Variants in RACGAP1 observed in about 807,000 individuals in gnomAD.
RACGAP1 encodes the protein rac GTPase-activating protein 1.
A neutral mutation model predicts 78.1 loss-of-function variants in RACGAP1; 30 were observed. That is an observed-to-expected ratio of 0.38 (90% CI 0.29 to 0.52). The LOEUF (loss-of-function observed/expected upper bound fraction) is 0.52, where lower values mean the gene tolerates loss of function less well. Ranked by LOEUF, RACGAP1 falls within the 20% of genes least tolerant of loss-of-function variation. RACGAP1 has a pLI of 0.82. For synonymous variants in RACGAP1, 231 were observed against 264.8 expected (o/e 0.87, Z 1.24); for missense variants, 587 against 777.1 (o/e 0.76, Z 2.91).
rs1178831102 is a variant in RACGAP1, at chr12:49,997,072, T to C, written c.1012A>G (p.Thr338Ala). ...RDRCPLPCIP[T>A]LIGTPVKIGE... ...ATCTTGACAGGTGTTCCTATCAGGG[T>C]AGGAATGCAGGGAAGGGGACAGCGG... The change falls in exon 10 of 17, where the codon ACC becomes GCC. Residue 338 changes from threonine to alanine, a missense_variant. Coordinates refer to ENST00000312377, the MANE Select transcript of RACGAP1 (RefSeq NM_001319999.2). 2 of 1,588,638 alleles carry C rather than the reference T, an allele frequency of 1.3e-6. No homozygotes were observed. Among genetic ancestry groups the C allele is most frequent in the Non-Finnish European group, 1.7e-6 (2 of 1,161,770 alleles).
rs1187060803 is a variant in RACGAP1 at position 49,999,734 on chromosome 12, C to T, written c.631-1G>A. 6.2e-7 allele frequency: 1 copy of T among 1,604,846 alleles called. No homozygotes were observed. The highest frequency in any genetic ancestry group is 1.3e-5 in the African/African-American group (1 of 74,728). ...TTTTTGCAACTATGGATTCATTCCC[C>T]TGCAACAAAAGTAGTAATGAGGAAA... On this transcript the variant is annotated splice_acceptor_variant, in intron 7 of 16. Coordinates refer to ENST00000312377, the MANE Select transcript of RACGAP1 (RefSeq NM_001319999.2). LOFTEE classifies it high-confidence loss of function.
intron 10 of RACGAP1, among the ~76,000 whole-genome samples, chr12:49,995,135 G>A (rs893753398): frequency 6.6e-6 from 1 of 152,234 alleles, no homozygotes; most frequent in Non-Finnish European, 1.5e-5. Flanking sequence ...GATCACCTGA[G>A]GTCAGGAGTT....
rs1412819800 is a variant in RACGAP1, at chr12:49,996,691, G to A, written c.1044+349C>T. Among the ~76,000 whole-genome samples the A allele has an allele frequency of 3.9e-5, 5 of 127,796 alleles. No individual in the cohort carries two copies. The East Asian group carries it at 1.3e-3, about 33-fold the overall frequency. The allele number at this position is 127,796 out of a possible 152,430, so 83.8% of individuals were successfully genotyped here. The stretch of plus-strand genomic sequence containing the variant: ...AAATGGACACAAGTTAGTAATCATG[G>A]AAGTTAAGTGATAAGAACCAGGGGT... On this transcript the variant is annotated intron_variant, in intron 10 of 16. Coordinates refer to ENST00000312377, the MANE Select transcript of RACGAP1 (RefSeq NM_001319999.2).
intron 1 of RACGAP1, among the ~76,000 whole-genome samples, chr12:50,024,822 C>A (rs1950198168): frequency 6.6e-6 from 1 of 151,990 alleles, no homozygotes; most frequent in African/African-American, 2.4e-5. Flanking sequence ...ACCCACCTAC[C>A]CCCACTTTCC....
In RACGAP1 at chr12:50,006,485, C is replaced by A. The variant is rs1565681229; in HGVS notation, c.237G>T (p.Val79=). The A allele has an allele frequency of 9.9e-6, 16 of 1,614,052 alleles. No homozygotes were observed. The highest frequency in any genetic ancestry group is 1.3e-5 in the Non-Finnish European group (15 of 1,180,032). ...DVKLKHARNQ[V]DVEIKRRQRA... ...TCTGTCTCCGTTTGATCTCTACATC[C>A]ACCTGATTACGTGCATGCTTCAGCT... The change falls in exon 3 of 17, where the codon GTG becomes GTT. Residue 79 remains valine (V), a synonymous_variant. Transcript: ENST00000312377.
At chr12:50,001,273 C>A (rs369004057) in intron 6 of RACGAP1, 21 bp from the exon 7 acceptor site, 3 of 1,567,200 alleles carry the variant, frequency 1.9e-6, no homozygotes, top group South Asian at 1.1e-5. Context: ...GACAAAGACC[C>A]GTAACTTTAA....
intron 2 of RACGAP1, among the ~76,000 whole-genome samples, chr12:50,009,985 T>G (rs547873068): frequency 1.2e-4 from 19 of 152,242 alleles, no homozygotes; most frequent in Non-Finnish European, 2.1e-4. Flanking sequence ...AAATCCTGTC[T>G]CTGAAACTAA....
At chr12:50,029,413 A>G (rs1950311212), upstream of RACGAP1, among the ~76,000 whole-genome samples, 5 of 151,334 alleles carry the variant, frequency 3.3e-5, no homozygotes, top group South Asian at 1.0e-3. Context: ...AAACAAACAA[A>G]CAAAAAACAG....
chr12:50,014,318 C>A (rs1734021647), intron 2 of RACGAP1, among the ~76,000 whole-genome samples: 1 of 152,136 alleles, frequency 6.6e-6, no homozygotes, highest in Non-Finnish European at 1.5e-5. Flanking sequence ...GTACCATCAT[C>A]CCCATTATTC....
Position 49,994,200 on chromosome 12 carries a change from C to G in RACGAP1, c.1270G>C (p.Asp424His). The change falls in exon 12 of 17, where the codon GAC becomes CAC. Residue 424 changes from aspartate (D) to histidine (H), a missense_variant. Coordinates refer to ENST00000312377, the MANE Select transcript of RACGAP1 (RefSeq NM_001319999.2). ...GGTTCTTTGAGGTTTCGAAGAAAGT[C>G]TTTTAGAAGGCTACAGATAGCATGG... ...DIHAICSLLK[D>H]FLRNLKEPLL... 7 of 1,614,058 alleles carry G rather than the reference C, an allele frequency of 4.3e-6. No homozygotes were observed. The highest frequency in any genetic ancestry group is 5.9e-6 in the Non-Finnish European group (7 of 1,180,012).
At chr12:50,025,537 T>A, upstream of RACGAP1, 2 of 985,422 alleles carry the variant, frequency 2.0e-6, no homozygotes, top group Non-Finnish European at 1.2e-6. Context: ...TCCCGCGCCG[T>A]CCCTCTACGG....
chr12:50,001,383 TTCTCTCTC>T (rs141524970), intron 6 of RACGAP1, 131 bp from the exon 7 acceptor site: 10 of 566,314 alleles, frequency 1.8e-5, no homozygotes, highest in Admixed American at 6.2e-5. Context: ...AAACAATGTG[TTCTCTCTC>T]TCTCTCTCTT....
intron 5 of RACGAP1, among the ~76,000 whole-genome samples, chr12:50,003,617 C>CTATA (rs1455579709): frequency 1.3e-5 from 2 of 152,176 alleles, no homozygotes; most frequent in Non-Finnish European, 2.9e-5. Flanking sequence ...AATCAATGAA[C>CTATA]TATATCAAAG....
intron 1 of RACGAP1, among the ~76,000 whole-genome samples, chr12:50,032,425 C>T (rs1361809405): frequency 6.6e-6 from 1 of 152,178 alleles, no homozygotes; most frequent in Non-Finnish European, 1.5e-5. Flanking sequence ...GTTGGAGATG[C>T]TGTCTCTCTT....
chr12:49,992,922 A>C (rs1290280811), intron 12 of RACGAP1, among the ~76,000 whole-genome samples: 1 of 152,262 alleles, frequency 6.6e-6, no homozygotes, highest in East Asian at 1.9e-4. Context: ...ATACAATTGC[A>C]GTGACTACAA....
intron 4 of RACGAP1, among the ~76,000 whole-genome samples, 182 bp from the exon 5 acceptor site, chr12:50,004,486 G>A (rs1592169159): frequency 1.3e-5 from 2 of 152,198 alleles, no homozygotes; most frequent in South Asian, 4.1e-4. Context: ...TTCCACGGAG[G>A]AGTGTGTGTG....
intron 4 of RACGAP1, 52 bp downstream of exon 4, chr12:50,005,204 C>G: frequency 6.2e-7 from 1 of 1,602,652 alleles, no homozygotes; most frequent in Non-Finnish European, 8.5e-7. Context: ...ACAAGAATAT[C>G]TGACAGCCTG....
At chr12:50,015,329 T>A (rs975020454) in intron 2 of RACGAP1, among the ~76,000 whole-genome samples, 1 of 152,106 alleles carries the variant, frequency 6.6e-6, no homozygotes, top group South Asian at 2.1e-4. Flanking sequence ...TTATTTAGCA[T>A]CAAATATATG....
chr12:50,022,361 T>G (rs1175546440), intron 1 of RACGAP1, among the ~76,000 whole-genome samples: 1 of 152,234 alleles, frequency 6.6e-6, no homozygotes, highest in African/African-American at 2.4e-5. Context: ...AGCAGGTGGA[T>G]GACCTTAGGT....
Sources: gnomAD v4.1 joint callset for allele counts (sites outside exome capture counted in the v4.1 genomes callset) on GRCh38, gnomAD v4.1.1 for gene constraint, MANE v1.5 for transcripts, NCBI Gene and HGNC (gene_info 2026-07-23, HGNC 2026-07-21) for gene names.